The following ZNF236 variants were observed in gnomAD, a reference collection of about 807,000 sequenced individuals.
ZNF236 encodes the protein zinc finger protein 236, also known as regulated by glucose.
In ZNF236, 50 loss-of-function variants were observed where a neutral mutation model predicts 191.2. The ratio of observed to expected loss-of-function variants is 0.26; its 90% confidence interval spans 0.21 to 0.33. The LOEUF (loss-of-function observed/expected upper bound fraction) is 0.33, where lower values mean the gene tolerates loss of function less well. ZNF236 is among the 10% of genes least tolerant of loss of function. The probability of loss-of-function intolerance (pLI) is 1.00; values close to 1 mark genes in which losing one functional copy is unlikely to be tolerated. For missense variants in ZNF236, 1,754 were observed against 2,374.5 expected, an observed-to-expected ratio of 0.74 and a Z score of 5.43; for synonymous variants, 907 against 928.8, an observed-to-expected ratio of 0.98 and a Z score of 0.43.
chr18:76,909,090 G>A (rs1967144881), intron 14 of ZNF236, among the ~76,000 whole-genome samples: 1 of 152,008 alleles, frequency 6.6e-6, no homozygotes, highest in Non-Finnish European at 1.5e-5. Context: ...GGCTGAGGCA[G>A]GTGGATCACT....
chr18:76,824,092 G>A (rs910011328), intron 1 of ZNF236: 1 of 544,104 alleles, frequency 1.8e-6, no homozygotes, highest in African/African-American at 1.9e-5. Flanking sequence ...TTTTCTTGGG[G>A]ATGAGTAAAC....
intron 7 of ZNF236, among the ~76,000 whole-genome samples, chr18:76,879,546 G>A (rs1382448897): frequency 2.6e-5 from 4 of 152,150 alleles, no homozygotes; most frequent in Non-Finnish European, 4.4e-5. Flanking sequence ...TCACAGTGTC[G>A]TATGGGTAGT....
chr18:76,924,316 C>A (rs903755284), intron 21 of ZNF236, among the ~76,000 whole-genome samples: 1 of 152,222 alleles, frequency 6.6e-6, no homozygotes, highest in Non-Finnish European at 1.5e-5. Flanking sequence ...GCTGCTTCAT[C>A]ATTTCCTTGG....
intron 27 of ZNF236, among the ~76,000 whole-genome samples, chr18:76,951,849 C>T (rs1305211207): frequency 2.0e-5 from 3 of 152,210 alleles, no homozygotes; most frequent in East Asian, 3.8e-4. Context: ...TGAACACTTA[C>T]AGGCATTGTG....
chr18:76,927,643 T>C lies in ZNF236; in HGVS notation c.4414+126T>C. Reference sequence around the variant, plus strand: ...TCTTTGTAGAAGAGAATAAATCAAATGTCCTGAGAATAAAATAAGCTTTTC... The same window carrying C: ...TCTTTGTAGAAGAGAATAAATCAAACGTCCTGAGAATAAAATAAGCTTTTC... On this transcript the variant is annotated intron_variant, in intron 24 of 30. Coordinates refer to ENST00000320610, the MANE Select transcript of ZNF236 (RefSeq NM_001306089.2). The surrounding 1 kb of genome is among the most constrained non-coding windows in gnomAD (Gnocchi z 5.4). The C allele has an allele frequency of 1.6e-6, 2 of 1,271,936 alleles. No homozygotes were observed. The highest frequency in any genetic ancestry group is 1.5e-5 in the African/African-American group (1 of 66,860). The allele number at this position is 1,271,936 out of a possible 1,614,324, so 78.8% of individuals were successfully genotyped here. A position where few individuals can be genotyped will look rare whatever the true frequency, so the allele number is the denominator to read the frequency against.
chr18:76,832,298 C>T (rs2122400625), intron 1 of ZNF236, among the ~76,000 whole-genome samples: 1 of 152,252 alleles, frequency 6.6e-6, no homozygotes, highest in African/African-American at 2.4e-5. Flanking sequence ...CCAGGCTGGC[C>T]TCCAACTCCT....
intron 25 of ZNF236, among the ~76,000 whole-genome samples, chr18:76,935,374 C>G (rs974305332): frequency 6.6e-6 from 1 of 152,180 alleles, no homozygotes; most frequent in South Asian, 2.1e-4. Flanking sequence ...TTTCATTGAA[C>G]TTTGTGTCAG....
intron 20 of ZNF236, among the ~76,000 whole-genome samples, chr18:76,920,405 G>T (rs995452191): frequency 6.6e-6 from 1 of 151,978 alleles, no homozygotes; most frequent in Admixed American, 6.6e-5. Flanking sequence ...TACAAAATTA[G>T]GTGGGTGTAG....
chr18:76,890,074 C>T (rs1016090681), intron 9 of ZNF236, among the ~76,000 whole-genome samples: 6 of 152,210 alleles, frequency 3.9e-5, no homozygotes, highest in East Asian at 3.8e-4. Context: ...CATCATTTCA[C>T]ACATGTACGT....
intron 6 of ZNF236, among the ~76,000 whole-genome samples, chr18:76,876,664 G>A (rs756728053): frequency 5.9e-5 from 9 of 152,264 alleles, no homozygotes; most frequent in Non-Finnish European, 1.2e-4. Context: ...AGGCATGTCA[G>A]TGTTAGTGAG....
intron 25 of ZNF236, chr18:76,930,930 G>C (rs934873576): frequency 6.6e-6 from 1 of 152,134 alleles, no homozygotes; most frequent in Non-Finnish European, 1.5e-5. Flanking sequence ...GCATTTTGTG[G>C]TCTCATTTTC....
In ZNF236 at chr18:76,968,528, C is replaced by T. The variant is rs960686256; in HGVS notation, c.*189C>T. On this transcript the variant is annotated 3_prime_UTR_variant, in exon 31 of 31. Transcript: ENST00000320610. ...AAAAAAAAACTAGGAAAAGTGTCAC[C>T]GCATTGTTCTCTTTTGTCTACAAAT... The T allele has an allele frequency of 2.5e-5, 34 of 1,365,934 alleles. No homozygotes were observed. The South Asian group carries it at 2.9e-4, about 12-fold the overall frequency. The allele number at this position is 1,365,934 out of a possible 1,614,324, so 84.6% of individuals were successfully genotyped here.
chr18:76,939,298 A>AC (rs1318553210), intron 26 of ZNF236, among the ~76,000 whole-genome samples: 1 of 152,146 alleles, frequency 6.6e-6, no homozygotes, highest in East Asian at 1.9e-4. Context: ...GCACCTCTGT[A>AC]CTCCAGCCTG....
intron 3 of ZNF236, among the ~76,000 whole-genome samples, chr18:76,866,923 C>T (rs1399272649): frequency 6.6e-6 from 1 of 152,130 alleles, no homozygotes; most frequent in African/African-American, 2.4e-5. Context: ...TTGGCTGTGG[C>T]CTGGGAGGTG....
chr18:76,846,606 A>ACCGTGT (rs1975690477), intron 1 of ZNF236, among the ~76,000 whole-genome samples: 1 of 152,222 alleles, frequency 6.6e-6, no homozygotes, highest in Non-Finnish European at 1.5e-5. Context: ...TTTTCCAGTC[A>ACCGTGT]TACTTTAATT....
chr18:76,840,790 T>TGTGTGTGCGC (rs1283205590), intron 1 of ZNF236: 1 of 148,096 alleles, frequency 6.8e-6, no homozygotes, highest in African/African-American at 2.5e-5. Flanking sequence ...TGTGTGTGTG[T>TGTGTGTGCGC]GTGTGTGTGT....
rs1333941371 is a variant in ZNF236 at position 76,849,654 on chromosome 18, G to A, written c.184G>A (p.Glu62Lys). 4 of 1,584,762 alleles carry A rather than the reference G, an allele frequency of 2.5e-6. No individual in the cohort carries two copies. Among genetic ancestry groups the A allele is most frequent in the East Asian group, 2.3e-5 (1 of 43,516 alleles). Residue 62 changes from glutamate (E) to lysine (K), a missense_variant, in exon 2 of 31, where the codon GAG becomes AAG. Physicochemically the swap from Glu to Lys is moderately conservative, Grantham distance 56. Coordinates refer to ENST00000320610, the MANE Select transcript of ZNF236 (RefSeq NM_001306089.2). The stretch of plus-strand genomic sequence containing the variant: ...GTTTCAACGCCACATGAGGGATCAC[G>A]AGCGAAATGACAAGGTATGTATTTT... ...SQFQRHMRDH[E>K]RNDKPHRCDQ...
chr18:76,919,643 C>A lies in ZNF236; in HGVS notation c.3275-133C>A, dbSNP rs534277136. 1 of 1,109,266 alleles carries A rather than the reference C, an allele frequency of 9.0e-7. No homozygotes were observed. The allele number at this position is 1,109,266 out of a possible 1,614,324, so 68.7% of individuals were successfully genotyped here. ...AGAGGTGGGAAAATATAGCAACTCT[C>A]TACCATCATAAAAATAGCTTGGTTG... On this transcript the variant is annotated intron_variant, in intron 19 of 30. Transcript: ENST00000320610. The surrounding 1 kb of genome is among the most constrained non-coding windows in gnomAD (Gnocchi z 5.3).
At chr18:76,913,393 G>A (rs1033896253) in intron 17 of ZNF236, among the ~76,000 whole-genome samples, 2 of 152,160 alleles carry the variant, frequency 1.3e-5, no homozygotes, top group Admixed American at 1.3e-4. Flanking sequence ...AGTGTCTAAC[G>A]ACTTAATAAA....
Sources: allele counts gnomAD v4.1 joint callset (sites outside exome capture counted in the v4.1 genomes callset), GRCh38; gene constraint gnomAD v4.1.1; non-coding constraint Gnocchi (gnomAD v3.1); transcripts MANE v1.5; gene names NCBI Gene and HGNC (gene_info 2026-07-23, HGNC 2026-07-21).